ADD3: variants seen among roughly 807,000 people sequenced by gnomAD.
ADD3 encodes gamma-adducin.
ADD3 carries 25 observed loss-of-function variants against 80.2 expected under a neutral mutation model. The observed-to-expected ratio is 0.31, with a 90% CI of 0.23 to 0.44. The LOEUF (loss-of-function observed/expected upper bound fraction) is 0.44. Ranked by LOEUF, ADD3 falls within the 20% of genes least tolerant of loss-of-function variation. ADD3 has a pLI of 1.00. For missense variants in ADD3, 829 were observed against 847.5 expected, an observed-to-expected ratio of 0.98 and a Z score of 0.27; for synonymous variants, 284 against 289.6, an observed-to-expected ratio of 0.98 and a Z score of 0.20.
At chr10:110,070,881 G>T (rs2133637137) in intron 1 of ADD3, among the ~76,000 whole-genome samples, 1 of 150,174 alleles carries the variant, frequency 6.7e-6, no homozygotes, top group South Asian at 2.1e-4. Flanking sequence ...GGCAGCCCAA[G>T]TTCTACAGCT....
chr10:110,061,528 G>C (rs1858888177), intron 1 of ADD3, among the ~76,000 whole-genome samples: 1 of 152,168 alleles, frequency 6.6e-6, no homozygotes, highest in Non-Finnish European at 1.5e-5. Flanking sequence ...GTACTTCATA[G>C]ACACTTCTGC....
intron 12 of ADD3, among the ~76,000 whole-genome samples, chr10:110,129,440 C>T (rs1269992865): frequency 1.3e-5 from 2 of 152,042 alleles, no homozygotes; most frequent in African/African-American, 4.8e-5. Flanking sequence ...TGAGCCACCG[C>T]GCCCAGCCTA....
chr10:110,115,360 A>G (rs915274308), intron 3 of ADD3, among the ~76,000 whole-genome samples: 2 of 151,782 alleles, frequency 1.3e-5, no homozygotes, highest in Admixed American at 6.6e-5. Flanking sequence ...TTGCACTCAA[A>G]CCTGGGCAAC....
Position 110,069,495 on chromosome 10 carries a change from G to C in ADD3, c.-29-31130G>C, listed in dbSNP as rs190078797. ...CATATATCAACAGCTTTCTGGGCCA[G>C]TGAACCTTAGAACTTAAGTGCCTTA... On this transcript the variant is annotated intron_variant, in intron 1 of 14. Transcript: ENST00000356080. Among the ~76,000 whole-genome samples, 21 of 152,048 alleles carry C rather than the reference G, an allele frequency of 1.4e-4. No homozygotes were observed. In the East Asian group the frequency reaches 4.1e-3, roughly 29 times the overall value.
At chr10:110,049,244 G>T (rs984711753) in intron 1 of ADD3, among the ~76,000 whole-genome samples, 36 of 152,362 alleles carry the variant, frequency 2.4e-4, no homozygotes, top group African/African-American at 8.7e-4. Context: ...CCAGGCAGAA[G>T]TTTGCTGCAG....
At chr10:110,119,634 T>C in intron 8 of ADD3, 70 bp downstream of exon 8, 1 of 1,342,940 alleles carries the variant, frequency 7.4e-7, no homozygotes, top group Non-Finnish European at 1.1e-6. Context: ...TGTGTACTTA[T>C]TTGCAAATAC....
intron 1 of ADD3, among the ~76,000 whole-genome samples, chr10:110,053,998 A>G (rs1857828903): frequency 6.6e-6 from 1 of 152,244 alleles, no homozygotes; most frequent in Admixed American, 6.5e-5. Flanking sequence ...ATAATCATGC[A>G]CAGCAACCGT....
intron 1 of ADD3, among the ~76,000 whole-genome samples, chr10:110,037,457 T>C (rs1005420016): frequency 6.6e-6 from 1 of 151,550 alleles, no homozygotes; most frequent in African/African-American, 2.4e-5. Flanking sequence ...ATATAAAAAC[T>C]AGCCAGGCGT....
At chr10:110,048,925 G>C (rs4918476) in intron 1 of ADD3, among the ~76,000 whole-genome samples, 142,298 of 152,288 alleles carry the variant, frequency 0.93, 66,714 homozygotes, top group East Asian at 1. Flanking sequence ...GTTTCCAGGG[G>C]ATGTCAGAAA....
rs560550512 is a variant in ADD3 at position 110,118,003 on chromosome 10, G to A, written c.567+581G>A. 5.4e-5 allele frequency among the ~76,000 whole-genome samples: 8 copies of A among 148,146 alleles called. No homozygotes were observed. The South Asian group carries it at 6.4e-4, about 12-fold the overall frequency. On this transcript the variant is annotated intron_variant, in intron 5 of 14. Transcript: ENST00000356080. ...TGCACTCCAGCCTGGGCTACAGGGC[G>A]AGACTCTGTCTTCAATACACACACA...
rs1390393063 is a variant in ADD3 at position 110,117,413 on chromosome 10, C to T, written c.558C>T (p.Ala186=). Residue 186 remains alanine (A), a synonymous_variant, in exon 5 of 15, where the codon GCC becomes GCT. Transcript: ENST00000356080. Reference sequence around the variant, plus strand: ...GCCTATCTTTTTCTGAAGCTACAGCCTCCAATTTGGTATAATTTTCCATTC... The same window carrying T: ...GCCTATCTTTTTCTGAAGCTACAGCTTCCAATTTGGTATAATTTTCCATTC... ...PRGLSFSEAT[A]SNLVKVNIIG... is the part of the protein sequence containing the mutation. The T allele has an allele frequency of 1.3e-6, 2 of 1,594,444 alleles. No homozygotes were observed. Among genetic ancestry groups the T allele is most frequent in the South Asian group, 1.1e-5 (1 of 90,636 alleles).
At chr10:110,026,363 C>T (rs1030179892) in intron 1 of ADD3, among the ~76,000 whole-genome samples, 2 of 149,492 alleles carry the variant, frequency 1.3e-5, no homozygotes, top group East Asian at 2.0e-4. Context: ...CTCACTGCAA[C>T]CTCAGCCTCC....
At chr10:110,056,143 C>T (rs1202965717) in intron 1 of ADD3, among the ~76,000 whole-genome samples, 3 of 152,224 alleles carry the variant, frequency 2.0e-5, no homozygotes, top group African/African-American at 7.2e-5. Flanking sequence ...AGCTGCATCA[C>T]TGCTACCCTT....
chr10:110,054,682 C>T lies in ADD3; in HGVS notation c.-29-45943C>T, dbSNP rs534397672. 1.7e-4 allele frequency among the ~76,000 whole-genome samples: 26 copies of T among 151,076 alleles called. No individual in the cohort carries two copies. In the South Asian group the frequency reaches 3.8e-3, roughly 22 times the overall value. Reference sequence around the variant, plus strand: ...GGCTGCAATGCAGTGGCACGATCTCCGCTCACTGCAAGCTCTGCACCCCTG... The same window carrying T: ...GGCTGCAATGCAGTGGCACGATCTCTGCTCACTGCAAGCTCTGCACCCCTG... On this transcript the variant is annotated intron_variant, in intron 1 of 14. Transcript: ENST00000356080.
chr10:110,124,065 C>T lies in ADD3; in HGVS notation c.1192C>T (p.Pro398Ser). Residue 398 changes from proline (P) to serine (S), a missense_variant, in exon 10 of 15, where the codon CCT becomes TCT. By Grantham distance (74) the Pro-to-Ser change is moderately conservative (BLOSUM62 -1). Transcript: ENST00000356080. ...CAGGCATCCTCTCATTCGAGAGAAGCCTAGGCACAAGAGTGATGTGGAAAT... is the reference window on the plus strand; with the variant it reads ...CAGGCATCCTCTCATTCGAGAGAAGTCTAGGCACAAGAGTGATGTGGAAAT... ...AYRHPLIREK[P>S]RHKSDVEIPA... 1 of 1,614,148 alleles carries T rather than the reference C, an allele frequency of 6.2e-7. No individual in the cohort carries two copies. The highest frequency in any genetic ancestry group is 1.1e-5 in the South Asian group (1 of 91,080).
At chr10:110,080,806 T>G (rs1018896446) in intron 1 of ADD3, among the ~76,000 whole-genome samples, 5 of 152,248 alleles carry the variant, frequency 3.3e-5, no homozygotes, top group African/African-American at 4.8e-5. Context: ...CTGACATTAC[T>G]TAACATAATT....
Position 110,092,453 on chromosome 10 carries a change from G to A in ADD3, c.-29-8172G>A, listed in dbSNP as rs115639367. On this transcript the variant is annotated intron_variant, in intron 1 of 14. Transcript: ENST00000356080. The stretch of plus-strand genomic sequence containing the variant: ...ATGCAGCTGGAGGCTATTACCCTAA[G>A]CAAATTAACACAGGAACAGAAAACC... Among the ~76,000 whole-genome samples, 1,430 of 152,208 alleles carry A rather than the reference G, an allele frequency of 9.4e-3. 20 individuals are homozygous for A. Among genetic ancestry groups the A allele is most frequent in the African/African-American group, 0.029 (1,220 of 41,538 alleles).
At chr10:110,037,158 AC>A (rs989160170) in intron 1 of ADD3, among the ~76,000 whole-genome samples, 16 of 152,334 alleles carry the variant, frequency 1.1e-4, no homozygotes, top group East Asian at 1.9e-4. Context: ...AGGAAATGGA[AC>A]ATTTCCTGGA....
At chr10:110,106,755 G>T (rs569388480) in intron 2 of ADD3, among the ~76,000 whole-genome samples, 45 of 152,200 alleles carry the variant, frequency 3.0e-4, no homozygotes, top group African/African-American at 1.1e-3. Context: ...TGTTTGAAGA[G>T]CTGTTCAAAC....
Sources: allele counts gnomAD v4.1 joint callset (sites outside exome capture counted in the v4.1 genomes callset), GRCh38; gene constraint gnomAD v4.1.1; transcripts MANE v1.5; gene names NCBI Gene and HGNC (gene_info 2026-07-23, HGNC 2026-07-21).